PTGER3: variants seen among roughly 807,000 people sequenced by gnomAD.
The protein encoded by PTGER3 is prostaglandin E2 receptor EP3 subtype.
Under a neutral mutation model 34.7 loss-of-function variants are expected in PTGER3, and 22 were observed. That is an observed-to-expected ratio of 0.63 (90% confidence interval 0.45 to 0.91). The LOEUF is 0.91. Ranked by LOEUF, PTGER3 falls within the 40% of genes least tolerant of loss-of-function variation. The probability of loss-of-function intolerance (pLI) is 0.00; values close to 1 mark genes in which losing one functional copy is unlikely to be tolerated. For missense variants in PTGER3, 468 were observed against 519.4 expected (o/e 0.90, Z 0.96); for synonymous variants, 241 against 230.1 (o/e 1.05, Z -0.43).
intron 4 of PTGER3, among the ~76,000 whole-genome samples, chr1:70,939,178 A>G (rs889626980): frequency 6.6e-6 from 1 of 152,206 alleles, no homozygotes; most frequent in African/African-American, 2.4e-5. Context: ...CCAGTGGGGC[A>G]GTCACATTTA....
intron 1 of PTGER3, among the ~76,000 whole-genome samples, chr1:71,044,990 AC>A (rs1660632629): frequency 1.3e-5 from 2 of 152,292 alleles, no homozygotes; most frequent in South Asian, 4.1e-4. Context: ...CTAGTTGGCC[AC>A]CTGTACACTC....
At chr1:70,916,699 G>A (rs1419725384) in intron 4 of PTGER3, among the ~76,000 whole-genome samples, 1 of 151,976 alleles carries the variant, frequency 6.6e-6, no homozygotes, top group Non-Finnish European at 1.5e-5. Flanking sequence ...ATAAATGTGG[G>A]AACAATAGAT....
At chr1:70,915,837 T>A (rs2100415312) in intron 4 of PTGER3, among the ~76,000 whole-genome samples, 1 of 151,952 alleles carries the variant, frequency 6.6e-6, no homozygotes, top group Non-Finnish European at 1.5e-5. Flanking sequence ...TGGCAAAAAA[T>A]TTTTGGCTAA....
chr1:70,959,051 A>G (rs1038328708), intron 2 of PTGER3, among the ~76,000 whole-genome samples: 1 of 152,166 alleles, frequency 6.6e-6, no homozygotes, highest in African/African-American at 2.4e-5. Context: ...TTATGCCAGT[A>G]TTATTCTGTG....
intron 3 of PTGER3, among the ~76,000 whole-genome samples, chr1:70,972,794 G>A (rs1197312955): frequency 2.0e-5 from 3 of 151,916 alleles, no homozygotes; most frequent in Non-Finnish European, 4.4e-5. Flanking sequence ...ATTAACATAA[G>A]TATGTAAAAC....
chr1:71,012,192 A>C, intron 2 of PTGER3, 113 bp downstream of exon 2: 1 of 1,598,904 alleles, frequency 6.3e-7, no homozygotes, highest in Non-Finnish European at 8.5e-7. Context: ...AAAGCTGTGC[A>C]CATGCAAGTT....
At chr1:70,973,580 A>C (rs1316064870) in intron 3 of PTGER3, among the ~76,000 whole-genome samples, 2 of 152,172 alleles carry the variant, frequency 1.3e-5, no homozygotes, top group Non-Finnish European at 2.9e-5. Context: ...GACATTACCC[A>C]GAGAATAAAA....
chr1:70,872,132 T>A (rs987907306), intron 4 of PTGER3, among the ~76,000 whole-genome samples: 6 of 152,192 alleles, frequency 3.9e-5, no homozygotes, highest in African/African-American at 1.4e-4. Flanking sequence ...GAATTGCTTT[T>A]AAAATTTTTC....
chr1:70,966,044 C>G (rs1164346902), downstream of PTGER3, among the ~76,000 whole-genome samples: 1 of 152,150 alleles, frequency 6.6e-6, no homozygotes, highest in Non-Finnish European at 1.5e-5. Context: ...TGGAAATAAA[C>G]TGAAAACTAT....
intron 4 of PTGER3, among the ~76,000 whole-genome samples, chr1:70,943,847 G>GGAGAGAGAGAGAGAGAGAGAGA (rs60989903): frequency 7.2e-6 from 1 of 138,246 alleles, no homozygotes; most frequent in African/African-American, 2.7e-5. Flanking sequence ...GGAGAGAGAG[G>GGAGAGAGAGAGAGAGAGAGAGA]GAGAGAGAGA....
intron 4 of PTGER3, among the ~76,000 whole-genome samples, chr1:70,933,913 TG>T (rs1168280395): frequency 6.6e-6 from 1 of 152,140 alleles, no homozygotes; most frequent in Non-Finnish European, 1.5e-5. Flanking sequence ...TGGAAATAGG[TG>T]AGGCAGACTC....
intron 4 of PTGER3, among the ~76,000 whole-genome samples, chr1:70,899,979 C>T (rs1213281957): frequency 6.6e-6 from 1 of 151,992 alleles, no homozygotes; most frequent in East Asian, 1.9e-4. Flanking sequence ...TCAGAAGCAA[C>T]CTGTGAGTTA....
At chr1:70,914,598 A>G (rs902170723) in intron 4 of PTGER3, among the ~76,000 whole-genome samples, 2 of 151,942 alleles carry the variant, frequency 1.3e-5, no homozygotes, top group African/African-American at 4.8e-5. Context: ...TCTACAAAAG[A>G]GCAATATGTG....
intron 2 of PTGER3, among the ~76,000 whole-genome samples, chr1:70,975,496 G>A (rs1309342679): frequency 6.6e-6 from 1 of 151,894 alleles, no homozygotes; most frequent in Non-Finnish European, 1.5e-5. Flanking sequence ...TTTTTAATTG[G>A]CTTTCTAAAG....
At chr1:71,046,565 C>T (rs1396653976) in intron 1 of PTGER3, 116 bp downstream of exon 1, 1 of 1,299,576 alleles carries the variant, frequency 7.7e-7, no homozygotes, top group Non-Finnish European at 1.0e-6. Context: ...GGAAAGGACA[C>T]TTCAGCGCTC....
intron 4 of PTGER3, among the ~76,000 whole-genome samples, chr1:70,927,762 G>T (rs1282205500): frequency 1.3e-5 from 2 of 152,152 alleles, no homozygotes; most frequent in Non-Finnish European, 2.9e-5. Flanking sequence ...CAGGGGGATA[G>T]AAGAGAACAG....
rs531310873 is a variant in PTGER3, at chr1:70,903,117, C to T, written c.*24-50258G>A. Among the ~76,000 whole-genome samples the T allele has an allele frequency of 2.3e-4, 35 of 152,146 alleles. 1 individual carries two copies. The highest frequency in any genetic ancestry group is 8.0e-4 in the African/African-American group (33 of 41,502). On this transcript the variant is annotated intron_variant, in intron 4 of 4. Transcript: ENST00000370931. The stretch of plus-strand genomic sequence containing the variant: ...CACAGAGGGGAAGGTGTTGGGAAGA[C>T]GAAGGCAGAGATTGAAGTAATGTGA...
At chr1:70,954,471 T>C (rs774633198) in intron 2 of PTGER3, among the ~76,000 whole-genome samples, 2 of 152,164 alleles carry the variant, frequency 1.3e-5, no homozygotes, top group Admixed American at 6.5e-5. Flanking sequence ...CTCTTAAAAA[T>C]GTTCAGACAG....
chr1:70,885,735 CA>C (rs1460641127), intron 4 of PTGER3, among the ~76,000 whole-genome samples: 6 of 149,666 alleles, frequency 4.0e-5, no homozygotes, highest in Middle Eastern at 3.4e-3. Flanking sequence ...GCTGAGGAAA[CA>C]AAAAAAAGGG....
Sources: gnomAD v4.1 joint callset for allele counts (sites outside exome capture counted in the v4.1 genomes callset) on GRCh38, gnomAD v4.1.1 for gene constraint, MANE v1.5 for transcripts, NCBI Gene and HGNC (gene_info 2026-07-23, HGNC 2026-07-21) for gene names.